DLC1: variants seen among roughly 807,000 people sequenced by gnomAD.
DLC1 encodes the protein DLC1 Rho GTPase activating protein.
In DLC1, 54 loss-of-function variants were observed where a neutral mutation model predicts 140.3. The observed-to-expected ratio is 0.38, with a 90% CI of 0.31 to 0.48. The LOEUF (loss-of-function observed/expected upper bound fraction) is 0.48, where lower values mean the gene tolerates loss of function less well. Ranked by LOEUF, DLC1 falls within the 20% of genes least tolerant of loss-of-function variation. The pLI is 0.96. For missense variants in DLC1, 2,536 were observed against 1,907.0 expected, an observed-to-expected ratio of 1.33 and a Z score of -6.14; for synonymous variants, 986 against 728.1, an observed-to-expected ratio of 1.35 and a Z score of -5.70.
chr8:13,103,602 G>T (rs1427757664), intron 7 of DLC1, among the ~76,000 whole-genome samples: 4 of 151,924 alleles, frequency 2.6e-5, no homozygotes, highest in Admixed American at 1.3e-4. Flanking sequence ...ACTTTGGGAG[G>T]CCGAGGCAGG....
chr8:13,212,842 G>C (rs1828011490), intron 5 of DLC1, among the ~76,000 whole-genome samples: 2 of 152,126 alleles, frequency 1.3e-5, no homozygotes, highest in Non-Finnish European at 2.9e-5. Context: ...CAGAAGTCCA[G>C]AAATGTTTTC....
chr8:13,128,901 T>TATGATGGCAAGGCAGAACA (rs1821833776), intron 5 of DLC1, among the ~76,000 whole-genome samples: 1 of 150,166 alleles, frequency 6.7e-6, no homozygotes, highest in Admixed American at 6.6e-5. Context: ...TGTTCTCCAT[T>TATGATGGCAAGGCAGAACA]AATTATGATG....
At chr8:13,131,904 C>A (rs1213453258) in intron 5 of DLC1, among the ~76,000 whole-genome samples, 1 of 152,104 alleles carries the variant, frequency 6.6e-6, no homozygotes. Context: ...AGGACGCTCG[C>A]GGACGCAGCA....
chr8:13,177,985 A>G (rs887545580), intron 5 of DLC1, among the ~76,000 whole-genome samples: 5 of 152,204 alleles, frequency 3.3e-5, no homozygotes, highest in African/African-American at 1.2e-4. Context: ...ATTTAAGATA[A>G]TAAGATATAT....
intron 2 of DLC1, among the ~76,000 whole-genome samples, chr8:13,414,956 G>A (rs370114202): frequency 1.0e-3 from 155 of 151,964 alleles, no homozygotes; most frequent in African/African-American, 3.5e-3. Flanking sequence ...GATTACAGGC[G>A]TGCGCCACCA....
intron 16 of DLC1, among the ~76,000 whole-genome samples, chr8:13,086,693 G>A (rs1161561505): frequency 6.6e-6 from 1 of 152,160 alleles, no homozygotes; most frequent in Non-Finnish European, 1.5e-5. Flanking sequence ...AGTGTTGGGA[G>A]GTGGGGCCTA....
In DLC1 at chr8:13,368,702, G is replaced by A. The variant is rs77626672; in HGVS notation, c.1314+24851C>T. Among the ~76,000 whole-genome samples, 1,464 of 152,266 alleles carry A rather than the reference G, an allele frequency of 9.6e-3. 21 individuals carry two copies. Among genetic ancestry groups the A allele is most frequent in the African/African-American group, 0.033 (1,383 of 41,562 alleles). On this transcript the variant is annotated intron_variant, in intron 4 of 17. Transcript: ENST00000276297. ...ATACTCTGAGTTGTTAGGTGAAAGA[G>A]CCCTCACGGAAGGGAAGGATGTTTA...
rs780348430 is a variant in DLC1 at position 13,567,542 on chromosome 8, C to T, written c.-126+36995G>A. 3.2e-6 allele frequency: 5 copies of T among 1,551,614 alleles called. No individual in the cohort carries two copies. The South Asian group carries it at 3.6e-5, about 11-fold the overall frequency. On this transcript the variant is annotated intron_variant, in intron 1 of 1. Transcript: ENST00000631382. The stretch of plus-strand genomic sequence containing the variant: ...ATCTACTTTAAAAACATGAGGACAA[C>T]GCCAAAACAGGAGGCAGCAGCTAAG...
chr8:13,159,833 A>G, intron 5 of DLC1, among the ~76,000 whole-genome samples: 1 of 147,008 alleles, frequency 6.8e-6, no homozygotes, highest in Non-Finnish European at 1.5e-5. Flanking sequence ...GGATGGATGG[A>G]GGCATGGAGT....
At chr8:13,432,707 G>A (rs1838938054) in intron 2 of DLC1, among the ~76,000 whole-genome samples, 1 of 152,114 alleles carries the variant, frequency 6.6e-6, no homozygotes, top group Admixed American at 6.5e-5. Flanking sequence ...ATTCAGTTTT[G>A]GCAACTAGGA....
At chr8:13,331,471 A>G (rs139999444) in intron 4 of DLC1, among the ~76,000 whole-genome samples, 146 of 152,314 alleles carry the variant, frequency 9.6e-4, no homozygotes, top group African/African-American at 3.4e-3. Flanking sequence ...AGGACTGGTT[A>G]TTATGAGGAT....
At chr8:13,114,576 C>G (rs952556613) in intron 6 of DLC1, among the ~76,000 whole-genome samples, 5 of 151,714 alleles carry the variant, frequency 3.3e-5, no homozygotes, top group Admixed American at 6.6e-5. Flanking sequence ...CCACAGAAAA[C>G]ATAATATTCA....
At chr8:13,521,488 GC>G (rs1285798126) in intron 1 of DLC1, among the ~76,000 whole-genome samples, 3 of 152,016 alleles carry the variant, frequency 2.0e-5, no homozygotes, top group Middle Eastern at 3.2e-3. Context: ...TTCAAATGGG[GC>G]CACGCATTCT....
intron 5 of DLC1, among the ~76,000 whole-genome samples, chr8:13,205,946 C>T (rs1220710270): frequency 6.6e-6 from 1 of 152,178 alleles, no homozygotes; most frequent in African/African-American, 2.4e-5. Context: ...TCTGCCTCCA[C>T]CTTCTCCCCC....
At chr8:13,188,975 T>G (rs1826584622) in intron 5 of DLC1, among the ~76,000 whole-genome samples, 1 of 149,978 alleles carries the variant, frequency 6.7e-6, no homozygotes, top group African/African-American at 2.5e-5. Flanking sequence ...AGGCATGAGC[T>G]ATCACACCCG....
chr8:13,588,674 T>C (rs1262466687), intron 1 of DLC1, among the ~76,000 whole-genome samples: 1 of 152,134 alleles, frequency 6.6e-6, no homozygotes. Flanking sequence ...CCTCTAACTT[T>C]TGGCTCAATA....
chr8:13,334,472 A>G (rs1238063914), intron 4 of DLC1, among the ~76,000 whole-genome samples: 2 of 152,288 alleles, frequency 1.3e-5, no homozygotes, highest in Non-Finnish European at 2.9e-5. Context: ...CAGAAAGATC[A>G]CTGTGCACAT....
intron 16 of DLC1, among the ~76,000 whole-genome samples, chr8:13,088,181 G>A (rs766183961): frequency 6.6e-6 from 1 of 151,918 alleles, no homozygotes; most frequent in Non-Finnish European, 1.5e-5. Flanking sequence ...CCTGGCTCAA[G>A]GGATCCTCCT....
At chr8:13,560,082 A>G (rs1804185574) in intron 1 of DLC1, among the ~76,000 whole-genome samples, 1 of 152,204 alleles carries the variant, frequency 6.6e-6, no homozygotes, top group Non-Finnish European at 1.5e-5. Flanking sequence ...ATTCAAATTC[A>G]TATTTAACAT....
Sources: allele counts gnomAD v4.1 joint callset (sites outside exome capture counted in the v4.1 genomes callset), GRCh38; gene constraint gnomAD v4.1.1; transcripts MANE v1.5; gene names NCBI Gene and HGNC (gene_info 2026-07-23, HGNC 2026-07-21).